The following SLC9A7 variants were observed in gnomAD, a reference collection of about 807,000 sequenced individuals.
The protein encoded by SLC9A7 is solute carrier family 9 member A7.
Under a neutral mutation model 52.6 loss-of-function variants are expected in SLC9A7, and 19 were observed. The observed-to-expected ratio is 0.36, with a 90% CI of 0.25 to 0.53. SLC9A7 has a LOEUF of 0.53. Among genes scored for constraint, SLC9A7 ranks in the 20% least tolerant of loss-of-function variants. The probability of loss-of-function intolerance (pLI) is 0.91; values close to 1 mark genes in which losing one functional copy is unlikely to be tolerated. For missense variants in SLC9A7, 455 were observed against 597.9 expected, an observed-to-expected ratio of 0.76 and a Z score of 2.49; for synonymous variants, 226 against 252.1, an observed-to-expected ratio of 0.90 and a Z score of 0.98.
chrX:46,718,682 AG>A (rs1944810297), intron 1 of SLC9A7, among the ~76,000 whole-genome samples: 1 of 112,695 alleles, frequency 8.9e-6, no homozygotes, highest in Admixed American at 9.3e-5. Context: ...TGCAGCCAAC[AG>A]ACACATGAAA....
intron 1 of SLC9A7, among the ~76,000 whole-genome samples, chrX:46,728,067 G>T (rs183387268): frequency 9.0e-6 from 1 of 111,471 alleles, no homozygotes; most frequent in East Asian, 2.8e-4. Flanking sequence ...CTGTGAGAGC[G>T]GTTAATTTGA....
At chrX:46,741,839 C>T (rs1250374056) in intron 1 of SLC9A7, among the ~76,000 whole-genome samples, 4 of 108,114 alleles carry the variant, frequency 3.7e-5, no homozygotes, top group Non-Finnish European at 5.8e-5. Context: ...GGTTAAGATA[C>T]TGAAAAGAAA....
At chrX:46,747,303 A>C (rs1337920774) in intron 1 of SLC9A7, among the ~76,000 whole-genome samples, 1 of 112,066 alleles carries the variant, frequency 8.9e-6, no homozygotes, top group African/African-American at 3.2e-5. Context: ...AAATGTTTCT[A>C]GCATATAGAA....
intron 1 of SLC9A7, among the ~76,000 whole-genome samples, chrX:46,698,548 C>A (rs189216764): frequency 1.3e-3 from 150 of 111,585 alleles, no homozygotes; most frequent in African/African-American, 4.7e-3. Flanking sequence ...ATAAATATAT[C>A]ATAATAAAAG....
intron 1 of SLC9A7, among the ~76,000 whole-genome samples, chrX:46,741,101 C>A (rs1002640244): frequency 9.0e-6 from 1 of 111,521 alleles, no homozygotes; most frequent in Non-Finnish European, 1.9e-5. Context: ...ATATGTAAGA[C>A]CTGTACATTG....
rs149271686 is a variant in SLC9A7, at chrX:46,634,700, T to A, written c.1676+889A>T. On this transcript the variant is annotated intron_variant, in intron 13 of 16. Coordinates refer to ENST00000616978, the MANE Select transcript of SLC9A7 (RefSeq NM_001257291.2). ...ATGAACATGTGTGTGTAGAAAAAAGTGTGATTTCAGTGAGCTTAAATACTT... is the reference window on the plus strand; with the variant it reads ...ATGAACATGTGTGTGTAGAAAAAAGAGTGATTTCAGTGAGCTTAAATACTT... Among the ~76,000 whole-genome samples, 578 of 111,999 alleles carry A rather than the reference T, an allele frequency of 5.2e-3. 4 individuals are homozygous for A. The highest frequency in any genetic ancestry group is 0.038 in the South Asian group (101 of 2,675).
chrX:46,607,064 C>T lies in SLC9A7; in HGVS notation c.2069G>A (p.Arg690Gln), dbSNP rs1300867852. ...TTCCTCCGAGCTGCTCTTCGTTCTC[C>T]GGCTGCCCTCCAGACTCGTGGAGGC... ...HTASTSLEGS[R>Q]RTKSSSEEVL... The change falls in exon 17 of 17, where the codon CGG becomes CAG. Residue 690 changes from arginine to glutamine, a missense_variant. Physicochemically the swap from Arg to Gln is conservative, Grantham distance 43. Transcript: ENST00000616978. 8 of 1,211,749 alleles carry T rather than the reference C, an allele frequency of 6.6e-6. No homozygotes were observed. The highest frequency in any genetic ancestry group is 3.0e-5 in the East Asian group (1 of 33,837).
intron 10 of SLC9A7, 68 bp from the exon 11 acceptor site, chrX:46,648,865 G>C (rs1602174647): frequency 2.5e-6 from 2 of 815,060 alleles, no homozygotes; most frequent in East Asian, 3.2e-5. Flanking sequence ...ACCTCCGGCT[G>C]AGCAGAGAAT....
intron 1 of SLC9A7, among the ~76,000 whole-genome samples, chrX:46,700,542 T>G (rs1944515376): frequency 8.9e-6 from 1 of 112,171 alleles, no homozygotes; most frequent in Non-Finnish European, 1.9e-5. Flanking sequence ...TTCCATTCTC[T>G]CCTCCGTAAC....
At chrX:46,677,176 C>T (rs1294960155) in intron 3 of SLC9A7, among the ~76,000 whole-genome samples, 4 of 112,033 alleles carry the variant, frequency 3.6e-5, no homozygotes, top group Non-Finnish European at 7.5e-5. Flanking sequence ...GAGTTTGACC[C>T]TGACTTGTAG....
At chrX:46,738,090 A>AGAAAGAAAGAAAGAAG (rs1945159508) in intron 1 of SLC9A7, among the ~76,000 whole-genome samples, 1 of 69,517 alleles carries the variant, frequency 1.4e-5, no homozygotes, top group Admixed American at 1.5e-4. Context: ...AAAGAAAGAA[A>AGAAAGAAAGAAAGAAG]GAAAGAAAGA....
rs1475475552 is a variant in SLC9A7, at chrX:46,600,621, C to T, written c.*6331G>A. 8.9e-6 allele frequency: 1 copy of T among 112,067 alleles called. No homozygotes were observed. Among genetic ancestry groups the T allele is most frequent in the Non-Finnish European group, 1.9e-5 (1 of 53,238 alleles). The allele number at this position is 112,067 out of a possible 1,213,427, so 9.2% of individuals were successfully genotyped here. A position where few individuals can be genotyped will look rare whatever the true frequency, so the allele number is the denominator to read the frequency against. On this transcript the variant is annotated 3_prime_UTR_variant, in exon 17 of 17. Coordinates refer to ENST00000616978, the MANE Select transcript of SLC9A7 (RefSeq NM_001257291.2). ...TTGGTTTTGCTCTTTACAATTTTTG[C>T]TAGCACTGGGTGACAAGATGTGTTT...
chrX:46,744,373 C>T (rs968159305), intron 1 of SLC9A7, among the ~76,000 whole-genome samples: 5 of 112,551 alleles, frequency 4.4e-5, no homozygotes, highest in Non-Finnish European at 7.5e-5. Context: ...ATGAAAGGAA[C>T]AATGGATATT....
intron 2 of SLC9A7, among the ~76,000 whole-genome samples, chrX:46,680,932 C>T (rs765742914): frequency 8.9e-6 from 1 of 111,967 alleles, no homozygotes. Context: ...TGAGAAGGAG[C>T]CTTGGACAGT....
At chrX:46,678,697 G>A (rs1944162414) in intron 3 of SLC9A7, among the ~76,000 whole-genome samples, 1 of 110,466 alleles carries the variant, frequency 9.1e-6, no homozygotes, top group African/African-American at 3.3e-5. Flanking sequence ...CAACCTTGCT[G>A]TCTAGCACGA....
At chrX:46,621,612 C>T (rs1215743815) in intron 14 of SLC9A7, among the ~76,000 whole-genome samples, 1 of 111,163 alleles carries the variant, frequency 9.0e-6, no homozygotes, top group Non-Finnish European at 1.9e-5. Flanking sequence ...GATCAGTGGG[C>T]AGGAGAAACG....
chrX:46,618,212 T>C (rs989269975), intron 15 of SLC9A7, among the ~76,000 whole-genome samples: 1 of 111,203 alleles, frequency 9.0e-6, no homozygotes, highest in Non-Finnish European at 1.9e-5. Flanking sequence ...AGGAAGAAGA[T>C]GGAAACCAGG....
chrX:46,617,430 T>G (rs1942971481), intron 15 of SLC9A7, among the ~76,000 whole-genome samples: 1 of 111,328 alleles, frequency 9.0e-6, no homozygotes, highest in Non-Finnish European at 1.9e-5. Flanking sequence ...ATGGCCAAAG[T>G]TGGGTGGGGA....
chrX:46,691,258 T>C (rs1484937208), intron 1 of SLC9A7, among the ~76,000 whole-genome samples: 1 of 112,499 alleles, frequency 8.9e-6, no homozygotes, highest in South Asian at 3.6e-4. Flanking sequence ...AATTCCTACA[T>C]GCTTGTTATC....
Sources: allele counts gnomAD v4.1 joint callset (sites outside exome capture counted in the v4.1 genomes callset), GRCh38; gene constraint gnomAD v4.1.1; transcripts MANE v1.5; gene names NCBI Gene and HGNC (gene_info 2026-07-23, HGNC 2026-07-21).